ESYT2: variants seen among roughly 807,000 people sequenced by gnomAD.
The protein encoded by ESYT2 is extended synaptotagmin-2.
Under a neutral mutation model 107.2 loss-of-function variants are expected in ESYT2, and 54 were observed. That is an observed-to-expected ratio of 0.50 (90% CI 0.40 to 0.63). The LOEUF (loss-of-function observed/expected upper bound fraction) is 0.63, where lower values mean the gene tolerates loss of function less well. ESYT2 is among the 30% of genes least tolerant of loss of function. ESYT2 has a pLI of 0.00. For synonymous variants in ESYT2, 491 were observed against 434.1 expected (o/e 1.13, Z -1.63); for missense variants, 1,020 against 1,094.5 (o/e 0.93, Z 0.96).
At chr7:158,782,081 G>A (rs549147549) in intron 6 of ESYT2, among the ~76,000 whole-genome samples, 1 of 151,836 alleles carries the variant, frequency 6.6e-6, no homozygotes, top group Non-Finnish European at 1.5e-5. Context: ...GTGTATGTAA[G>A]AACAAATGTG....
In ESYT2 at chr7:158,741,642, G is replaced by C. The variant is rs1837211400; in HGVS notation, c.2049C>G (p.Ser683=). 3.7e-6 allele frequency: 6 copies of C among 1,613,648 alleles called. No homozygotes were observed. The highest frequency in any genetic ancestry group is 2.2e-5 in the East Asian group (1 of 44,862). ...TGTGGCCTGGGGAGGCCAGGAGGCT[G>C]GAGGAGCTTCTGCCCAGGTCGTGCA... ...QGLHDLGRSS[S]SLLASPGHIS... The change falls in exon 18 of 23, where the codon TCC becomes TCG. Residue 683 remains serine, a synonymous_variant. Transcript: ENST00000275418.
At chr7:158,785,537 G>A (rs536877140) in intron 6 of ESYT2, among the ~76,000 whole-genome samples, 2 of 152,196 alleles carry the variant, frequency 1.3e-5, no homozygotes, top group South Asian at 4.2e-4. Flanking sequence ...AAAATATGAA[G>A]ACTACTATCT....
intron 6 of ESYT2, among the ~76,000 whole-genome samples, chr7:158,779,670 C>T (rs993626700): frequency 6.6e-6 from 1 of 152,294 alleles, no homozygotes; most frequent in East Asian, 1.9e-4. Flanking sequence ...GACGGTGCTG[C>T]GGCCCCTTCT....
chr7:158,818,458 C>T lies in ESYT2; in HGVS notation c.330+10631G>A, dbSNP rs916209118. Among the ~76,000 whole-genome samples the T allele has an allele frequency of 1.1e-4, 16 of 152,144 alleles. 1 individual carries two copies. The highest frequency in any genetic ancestry group is 2.1e-4 in the South Asian group (1 of 4,818). On this transcript the variant is annotated intron_variant, in intron 1 of 22. Coordinates refer to ENST00000275418, the MANE Select transcript of ESYT2 (RefSeq NM_001367773.1). ...ATGGTAGATAAATTCTTAGCAACAGCGTAAACAAACCACGGTGGAACAGAA... is the reference window on the plus strand; with the variant it reads ...ATGGTAGATAAATTCTTAGCAACAGTGTAAACAAACCACGGTGGAACAGAA...
At chr7:158,783,257 C>G (rs972371375) in intron 6 of ESYT2, among the ~76,000 whole-genome samples, 3 of 152,142 alleles carry the variant, frequency 2.0e-5, no homozygotes, top group African/African-American at 7.2e-5. Context: ...TTTCATGAAG[C>G]GCACAGATGC....
intron 1 of ESYT2, among the ~76,000 whole-genome samples, chr7:158,807,587 C>T (rs534699942): frequency 2.0e-5 from 3 of 152,198 alleles, no homozygotes; most frequent in East Asian, 3.9e-4. Context: ...ACTGGATGTT[C>T]GATACCAAGG....
At chr7:158,747,777 A>C (rs1837453322) in intron 16 of ESYT2, among the ~76,000 whole-genome samples, 1 of 152,230 alleles carries the variant, frequency 6.6e-6, no homozygotes. Context: ...AATAGGTCTA[A>C]ACCGGAAAGA....
intron 20 of ESYT2, among the ~76,000 whole-genome samples, chr7:158,736,802 A>C (rs777822155): frequency 2.0e-5 from 3 of 152,220 alleles, no homozygotes; most frequent in Non-Finnish European, 2.9e-5. Context: ...CAGTAACCTG[A>C]TCTTTATTTA....
chr7:158,826,252 A>T (rs1477302385), intron 1 of ESYT2, among the ~76,000 whole-genome samples: 2 of 152,228 alleles, frequency 1.3e-5, no homozygotes, highest in African/African-American at 2.4e-5. Context: ...AGTATAATTT[A>T]AAAGATATTT....
intron 1 of ESYT2, among the ~76,000 whole-genome samples, chr7:158,801,832 C>T (rs934634732): frequency 6.6e-6 from 1 of 152,012 alleles, no homozygotes; most frequent in African/African-American, 2.4e-5. Context: ...GATTCTAATA[C>T]GCTGCTATTA....
At chr7:158,799,200 C>T in intron 1 of ESYT2, 128 bp from the exon 2 acceptor site, 1 of 817,364 alleles carries the variant, frequency 1.2e-6, no homozygotes, top group Non-Finnish European at 2.0e-6. Flanking sequence ...ACACTCTGCT[C>T]TAAAGCTTGG....
intron 6 of ESYT2, among the ~76,000 whole-genome samples, chr7:158,781,300 T>TGAGC (rs71200055): frequency 6.7e-6 from 1 of 148,498 alleles, no homozygotes; most frequent in Non-Finnish European, 1.5e-5. Context: ...GTGTGCGGTG[T>TGAGC]GTGAGAACAA....
chr7:158,805,356 A>G (rs1197388121), intron 1 of ESYT2, among the ~76,000 whole-genome samples: 1 of 152,246 alleles, frequency 6.6e-6, no homozygotes, highest in Non-Finnish European at 1.5e-5. Flanking sequence ...TTTCAAAGAT[A>G]TTAGGATGCT....
chr7:158,743,102 A>G (rs1285385345), intron 17 of ESYT2, among the ~76,000 whole-genome samples: 1 of 152,200 alleles, frequency 6.6e-6, no homozygotes, highest in Non-Finnish European at 1.5e-5. Flanking sequence ...TTGGACAAAA[A>G]ATATTTTTTT....
intron 1 of ESYT2, among the ~76,000 whole-genome samples, chr7:158,809,497 A>AACAAC: frequency 7.1e-6 from 1 of 140,532 alleles, no homozygotes; most frequent in Non-Finnish European, 1.5e-5. Flanking sequence ...AAAAAAAAAA[A>AACAAC]CCAGGGGGGA....
intron 1 of ESYT2, among the ~76,000 whole-genome samples, chr7:158,810,689 A>C (rs910318186): frequency 2.7e-5 from 3 of 110,140 alleles, no homozygotes; most frequent in Non-Finnish European, 5.1e-5. Context: ...CTTGGGGGGG[A>C]AAAAAAAAGG....
chr7:158,754,928 G>T (rs1837701325), intron 13 of ESYT2, among the ~76,000 whole-genome samples: 1 of 152,138 alleles, frequency 6.6e-6, no homozygotes, highest in Admixed American at 6.5e-5. Flanking sequence ...CTGGCTCCTG[G>T]AAAGTGCTCA....
chr7:158,777,365 T>A (rs1161777816), intron 6 of ESYT2, among the ~76,000 whole-genome samples: 2 of 152,194 alleles, frequency 1.3e-5, no homozygotes, highest in Non-Finnish European at 2.9e-5. Flanking sequence ...TTGATATGGT[T>A]TGGCTCTGTG....
Position 158,737,170 on chromosome 7 carries a change from A to C in ESYT2, c.2277T>G (p.Ile759Met). ...IVVVHACRNLIAFSEDGSDPY... is the reference protein window; with the variant it reads ...IVVVHACRNLMAFSEDGSDPY... ...GGTCAGAGCCGTCTTCAGAGAAGGC[A>C]ATGAGGTTTCTTACAACACAAACCA... Residue 759 changes from isoleucine (I) to methionine (M), a missense_variant, in exon 20 of 23, where the codon ATT (isoleucine) becomes ATG (methionine). Physicochemically the swap from Ile to Met is conservative, Grantham distance 10 (BLOSUM62 1). Coordinates refer to ENST00000275418, the MANE Select transcript of ESYT2 (RefSeq NM_001367773.1). 1 of 1,613,794 alleles carries C rather than the reference A, an allele frequency of 6.2e-7. No homozygotes were observed. The highest frequency in any genetic ancestry group is 8.5e-7 in the Non-Finnish European group (1 of 1,179,696).
Sources: gnomAD v4.1 joint callset for allele counts (sites outside exome capture counted in the v4.1 genomes callset) on GRCh38, gnomAD v4.1.1 for gene constraint, MANE v1.5 for transcripts, NCBI Gene and HGNC (gene_info 2026-07-23, HGNC 2026-07-21) for gene names.